RP2: variants seen among roughly 807,000 people sequenced by gnomAD.
The protein encoded by RP2 is protein XRP2.
RP2 carries 3 observed loss-of-function variants against 20.3 expected under a neutral mutation model. The observed-to-expected ratio is 0.15, with a 90% confidence interval of 0.07 to 0.38. The LOEUF (loss-of-function observed/expected upper bound fraction) is 0.38. Ranked by LOEUF, RP2 falls within the 10% of genes least tolerant of loss-of-function variation. The pLI, the probability that RP2 is intolerant of heterozygous loss-of-function variation, is 1.00. For synonymous variants in RP2, 75 were observed against 94.8 expected, an observed-to-expected ratio of 0.79 and a Z score of 1.22; for missense variants, 233 against 268.5, an observed-to-expected ratio of 0.87 and a Z score of 0.92.
intron 3 of RP2, among the ~76,000 whole-genome samples, chrX:46,862,621 C>T (rs1008355832): frequency 9.0e-5 from 10 of 110,541 alleles, no homozygotes; most frequent in African/African-American, 3.3e-4. Flanking sequence ...GATCGCGCCA[C>T]TGCACTCCAG....
intron 3 of RP2, among the ~76,000 whole-genome samples, chrX:46,862,412 A>G (rs974712780): frequency 3.8e-4 from 41 of 108,024 alleles, no homozygotes; most frequent in South Asian, 1.2e-3. Context: ...TGTAATCCCA[A>G]CACTTTGGGA....
intron 1 of RP2, among the ~76,000 whole-genome samples, chrX:46,840,128 C>T (rs1924591561): frequency 8.9e-6 from 1 of 111,969 alleles, no homozygotes; most frequent in South Asian, 3.7e-4. Flanking sequence ...CAGGCGTGCA[C>T]CACCACGCCT....
At position 46,854,038 on chromosome X, in the gene RP2, C is replaced by T; in HGVS notation, c.665C>T (p.Pro222Leu). 1 of 1,211,436 alleles carries T rather than the reference C, an allele frequency of 8.3e-7. No individual in the cohort carries two copies. The highest frequency in any genetic ancestry group is 1.7e-5 in the African/African-American group (1 of 57,767). The change falls in exon 2 of 5, where the codon CCA (proline) becomes CTA (leucine). Residue 222 changes from proline (P) to leucine (L), a missense_variant. Pro to Leu is a moderately conservative substitution (Grantham distance 98). Transcript: ENST00000218340. ...VSTEANRSIVPISRGQRQKSS... is the reference protein window; with the variant it reads ...VSTEANRSIVLISRGQRQKSS... ...ACAGAAGCCAATAGAAGCATTGTTC[C>T]AATATCCCGGGGTCAGAGACAGAAG...
At chrX:46,845,495 A>G (rs1179265274) in intron 1 of RP2, among the ~76,000 whole-genome samples, 2 of 111,635 alleles carry the variant, frequency 1.8e-5, no homozygotes, top group Admixed American at 9.6e-5. Context: ...GTACGGTTCT[A>G]TGAGTTTTGA....
At chrX:46,854,217 T>C in intron 2 of RP2, 76 bp downstream of exon 2, 1 of 1,012,403 alleles carries the variant, frequency 9.9e-7, no homozygotes, top group Non-Finnish European at 1.4e-6. Flanking sequence ...TCCATTCTTT[T>C]CAAATTGGCT....
At position 46,880,712 on chromosome X, in the gene RP2, T is replaced by C. The variant is rs1002621936; in HGVS notation, c.*943T>C. On this transcript the variant is annotated 3_prime_UTR_variant, in exon 5 of 5. Transcript: ENST00000218340. ...TAGATATGCCATTCATATCAAGTAA[T>C]GTTCAAGTATGATAAAATTATTTTG... The C allele has an allele frequency of 8.9e-6, 1 of 112,281 alleles. No individual in the cohort carries two copies. The allele number at this position is 112,281 out of a possible 1,213,427, so 9.3% of individuals were successfully genotyped here. A position where few individuals can be genotyped will look rare whatever the true frequency, so the allele number is the denominator to read the frequency against.
At chrX:46,868,020 G>C (rs1556323374) in intron 3 of RP2, among the ~76,000 whole-genome samples, 1 of 112,007 alleles carries the variant, frequency 8.9e-6, no homozygotes, top group Admixed American at 9.5e-5. Flanking sequence ...ATACCCAGTT[G>C]TGGAATTGCT....
chrX:46,855,491 G>A (rs1165200504), intron 2 of RP2, among the ~76,000 whole-genome samples: 3 of 107,527 alleles, frequency 2.8e-5, no homozygotes, highest in Non-Finnish European at 5.8e-5. Flanking sequence ...TTTTTGAGAC[G>A]GAGTCTCACT....
chrX:46,859,786 C>A (rs1925032730), intron 2 of RP2, among the ~76,000 whole-genome samples: 1 of 111,828 alleles, frequency 8.9e-6, no homozygotes, highest in African/African-American at 3.2e-5. Flanking sequence ...AACTGCAGTA[C>A]TAAACCAGAA....
intron 1 of RP2, among the ~76,000 whole-genome samples, chrX:46,847,765 C>CGT (rs1569531386): frequency 1.8e-4 from 14 of 78,416 alleles, no homozygotes; most frequent in Non-Finnish European, 3.1e-4. Flanking sequence ...TATATACACA[C>CGT]ATGTGTGTGT....
At chrX:46,851,009 A>G (rs1158613675) in intron 1 of RP2, among the ~76,000 whole-genome samples, 1 of 111,789 alleles carries the variant, frequency 8.9e-6, no homozygotes, top group African/African-American at 3.3e-5. Context: ...TTATTGCCTC[A>G]TACTGCAGAC....
intron 1 of RP2, among the ~76,000 whole-genome samples, chrX:46,845,188 G>T (rs1170996460): frequency 9.0e-6 from 1 of 111,412 alleles, no homozygotes; most frequent in Non-Finnish European, 1.9e-5. Context: ...CAAAGATAGT[G>T]GATCTGTCTT....
chrX:46,847,481 A>C (rs1333565517), intron 1 of RP2, among the ~76,000 whole-genome samples: 2 of 105,953 alleles, frequency 1.9e-5, no homozygotes, highest in Non-Finnish European at 3.9e-5. Flanking sequence ...GCCAGGTTGG[A>C]GTACAGTGGC....
chrX:46,867,948 T>A (rs1556323326), intron 3 of RP2, among the ~76,000 whole-genome samples: 1 of 112,569 alleles, frequency 8.9e-6, no homozygotes, highest in African/African-American at 3.2e-5. Flanking sequence ...TTATGAATAG[T>A]GCTGCAGTGA....
chrX:46,873,489 T>C (rs781814917), intron 3 of RP2, among the ~76,000 whole-genome samples: 2 of 112,368 alleles, frequency 1.8e-5, no homozygotes, highest in African/African-American at 3.2e-5. Context: ...GTTTAACAAG[T>C]GTGTTGTCAA....
At chrX:46,845,002 A>G (rs1924692772) in intron 1 of RP2, among the ~76,000 whole-genome samples, 1 of 112,002 alleles carries the variant, frequency 8.9e-6, no homozygotes, top group East Asian at 2.8e-4. Context: ...TCTGTTCATA[A>G]AAGCTTAGTA....
intron 2 of RP2, among the ~76,000 whole-genome samples, chrX:46,855,253 G>C (rs1185296954): frequency 1.8e-5 from 2 of 109,462 alleles, no homozygotes; most frequent in Non-Finnish European, 1.9e-5. Flanking sequence ...GAATAGAGAA[G>C]GCTTTTTGGG....
intron 1 of RP2, among the ~76,000 whole-genome samples, chrX:46,847,264 A>C (rs782095165): frequency 6.0e-4 from 67 of 110,936 alleles, no homozygotes; most frequent in Non-Finnish European, 1.1e-3. Context: ...TATGTCCTGG[A>C]TACAAGTCCC....
chrX:46,839,305 A>C (rs1924571426), intron 1 of RP2, among the ~76,000 whole-genome samples: 1 of 111,457 alleles, frequency 9.0e-6, no homozygotes, highest in African/African-American at 3.3e-5. Flanking sequence ...TAATCCCAGG[A>C]CTTTGGGAGG....
Sources: gnomAD v4.1 joint callset for allele counts (sites outside exome capture counted in the v4.1 genomes callset) on GRCh38, gnomAD v4.1.1 for gene constraint, MANE v1.5 for transcripts, NCBI Gene and HGNC (gene_info 2026-07-23, HGNC 2026-07-21) for gene names.